OSBPL6: variants seen among roughly 807,000 people sequenced by gnomAD.
OSBPL6 encodes the protein oxysterol binding protein like 6, also known as oxysterol-binding protein-related protein 6.
A neutral mutation model predicts 125.8 loss-of-function variants in OSBPL6; 49 were observed. The ratio of observed to expected loss-of-function variants is 0.39; its 90% CI spans 0.31 to 0.49. OSBPL6 has a LOEUF of 0.49. OSBPL6 is among the 20% of genes least tolerant of loss of function. OSBPL6 has a pLI of 0.88. For missense variants in OSBPL6, 986 were observed against 1,135.4 expected (o/e 0.87, Z 1.89); for synonymous variants, 394 against 391.8 (o/e 1.01, Z -0.07).
At chr2:178,301,075 C>G (rs983609531) in intron 2 of OSBPL6, among the ~76,000 whole-genome samples, 1 of 151,680 alleles carries the variant, frequency 6.6e-6, no homozygotes, top group African/African-American at 2.4e-5. Flanking sequence ...ATTTTTTGAA[C>G]AATTCAACCT....
At chr2:178,266,395 A>G (rs957906680) in intron 1 of OSBPL6, among the ~76,000 whole-genome samples, 1 of 152,072 alleles carries the variant, frequency 6.6e-6, no homozygotes, top group Non-Finnish European at 1.5e-5. Flanking sequence ...GTGTCTCAGA[A>G]GAGGATGGAA....
At position 178,400,375 on chromosome 2, in the gene OSBPL6, C is replaced by T. The variant is rs1347691643; in HGVS notation, c.*4816C>T. ...AATCTCGGCTCACTGCAGCCTCCGCCTCCCAGGTTCAAGGGATTCTTGTGC... is the reference window on the plus strand; with the variant it reads ...AATCTCGGCTCACTGCAGCCTCCGCTTCCCAGGTTCAAGGGATTCTTGTGC... On this transcript the variant is annotated 3_prime_UTR_variant, in exon 25 of 25. Transcript: ENST00000190611. 1 of 151,942 alleles carries T rather than the reference C, an allele frequency of 6.6e-6. No individual in the cohort carries two copies. Among genetic ancestry groups the T allele is most frequent in the Non-Finnish European group, 1.5e-5 (1 of 68,020 alleles). The allele number at this position is 151,942 out of a possible 1,614,324, so 9.4% of individuals were successfully genotyped here.
intron 4 of OSBPL6, among the ~76,000 whole-genome samples, chr2:178,324,949 C>G (rs1016746599): frequency 6.6e-6 from 1 of 152,202 alleles, no homozygotes; most frequent in African/African-American, 2.4e-5. Flanking sequence ...TTCTAGGCTC[C>G]TTCTCACATC....
intron 19 of OSBPL6, 104 bp downstream of exon 19, chr2:178,385,625 C>T (rs1164583724): frequency 3.4e-6 from 3 of 875,596 alleles, no homozygotes; most frequent in South Asian, 1.6e-5. Context: ...ACCTTTGGAA[C>T]TCAGCAAATG....
intron 1 of OSBPL6, among the ~76,000 whole-genome samples, chr2:178,219,009 G>A (rs915206508): frequency 3.3e-5 from 5 of 151,818 alleles, no homozygotes; most frequent in African/African-American, 2.4e-5. Flanking sequence ...CTCCACTCCT[G>A]ACTCTTCTGT....
At position 178,394,334 on chromosome 2, in the gene OSBPL6, A is replaced by G; in HGVS notation, c.2595A>G (p.Leu865=). ...PDQRFLEEGN[L]EAAASEKQRV... is the part of the protein sequence containing the mutation. ...TTAGATTTTTGGAAGAAGGAAATTT[A>G]GAAGCTGCAGCATCAGAGAAGCAAA... is the stretch of plus-strand genomic sequence containing the variant. Residue 865 remains leucine, a synonymous_variant, in exon 24 of 25, where the codon TTA becomes TTG. Coordinates refer to ENST00000190611, the MANE Select transcript of OSBPL6 (RefSeq NM_032523.4). 1 of 1,613,142 alleles carries G rather than the reference A, an allele frequency of 6.2e-7. No homozygotes were observed. The highest frequency in any genetic ancestry group is 1.1e-5 in the South Asian group (1 of 90,808).
chr2:178,292,290 G>T (rs1387664902), intron 2 of OSBPL6, among the ~76,000 whole-genome samples: 2 of 152,066 alleles, frequency 1.3e-5, no homozygotes, highest in East Asian at 3.9e-4. Flanking sequence ...ATTTTAATAA[G>T]TCTAACTTTG....
At chr2:178,232,962 A>G (rs947712110) in intron 1 of OSBPL6, among the ~76,000 whole-genome samples, 12 of 152,358 alleles carry the variant, frequency 7.9e-5, no homozygotes, top group African/African-American at 2.6e-4. Flanking sequence ...AAACTTTCAG[A>G]TAATTTGTAA....
intron 1 of OSBPL6, among the ~76,000 whole-genome samples, chr2:178,214,946 T>C (rs2090027699): frequency 6.6e-6 from 1 of 151,512 alleles, no homozygotes; most frequent in African/African-American, 2.4e-5. Context: ...AACAAGACCA[T>C]GTCTCTAAAC....
chr2:178,207,417 C>T (rs1158291447), intron 1 of OSBPL6, among the ~76,000 whole-genome samples: 1 of 152,194 alleles, frequency 6.6e-6, no homozygotes, highest in Non-Finnish European at 1.5e-5. Flanking sequence ...CCAGGATAAG[C>T]ACCTCCTCTC....
At chr2:178,382,952 A>G in intron 16 of OSBPL6, 72 bp from the exon 17 acceptor site, 1 of 1,553,872 alleles carries the variant, frequency 6.4e-7, no homozygotes, top group South Asian at 1.2e-5. Flanking sequence ...TTTATTTGAA[A>G]GTTATTTCCC....
intron 1 of OSBPL6, among the ~76,000 whole-genome samples, chr2:178,276,161 T>C (rs1409326303): frequency 6.6e-6 from 1 of 152,150 alleles, no homozygotes; most frequent in Non-Finnish European, 1.5e-5. Flanking sequence ...ATCTGAGACT[T>C]TCATAAATTT....
chr2:178,370,626 A>G (rs1186399700), intron 13 of OSBPL6, among the ~76,000 whole-genome samples: 1 of 152,202 alleles, frequency 6.6e-6, no homozygotes, highest in Non-Finnish European at 1.5e-5. Context: ...TGGTTTATCT[A>G]CTAAGAATGT....
At chr2:178,230,766 A>T (rs2090782349) in intron 1 of OSBPL6, among the ~76,000 whole-genome samples, 1 of 152,194 alleles carries the variant, frequency 6.6e-6, no homozygotes, top group African/African-American at 2.4e-5. Context: ...AAATTGGATT[A>T]TGCTTTTGTG....
chr2:178,240,528 G>A lies in OSBPL6; in HGVS notation c.-350-44399G>A, dbSNP rs374695115. Among the ~76,000 whole-genome samples, 4 of 151,864 alleles carry A rather than the reference G, an allele frequency of 2.6e-5. No homozygotes were observed. In the East Asian group the frequency reaches 7.8e-4, roughly 29 times the overall value. ...GGTTGCAGTGAGCCGAGATCCTGCC[G>A]CTGCACTGCATTCTGGGCGTCTCAA... is the stretch of plus-strand genomic sequence containing the variant. On this transcript the variant is annotated intron_variant, in intron 1 of 24. Coordinates refer to ENST00000190611, the MANE Select transcript of OSBPL6 (RefSeq NM_032523.4).
In OSBPL6 at chr2:178,339,582, T is replaced by C. The variant is rs1690015494; in HGVS notation, c.895-90T>C. 5 of 1,033,620 alleles carry C rather than the reference T, an allele frequency of 4.8e-6. No individual in the cohort carries two copies. In the African/African-American group the frequency reaches 8.3e-5, roughly 17 times the overall value. The allele number at this position is 1,033,620 out of a possible 1,614,324, so 64.0% of individuals were successfully genotyped here. On this transcript the variant is annotated intron_variant, in intron 10 of 24. Coordinates refer to ENST00000190611, the MANE Select transcript of OSBPL6 (RefSeq NM_032523.4). ...TTGCTTATAGGCTCTAACAATGACC[T>C]TTAGTAACTTGCTGTGCTCTTGTCT...
chr2:178,214,432 G>A (rs970181109), intron 1 of OSBPL6, among the ~76,000 whole-genome samples: 2 of 152,168 alleles, frequency 1.3e-5, no homozygotes, highest in African/African-American at 2.4e-5. Flanking sequence ...TTGCTCATTT[G>A]TGGGGGCTGG....
At chr2:178,197,834 G>A (rs2088995516) in intron 1 of OSBPL6, among the ~76,000 whole-genome samples, 1 of 151,976 alleles carries the variant, frequency 6.6e-6, no homozygotes, top group Non-Finnish European at 1.5e-5. Flanking sequence ...AAGGTTCTAA[G>A]GAAAAAGAAA....
chr2:178,313,453 G>A (rs1168244391), intron 3 of OSBPL6, among the ~76,000 whole-genome samples: 7 of 152,056 alleles, frequency 4.6e-5, no homozygotes, highest in Admixed American at 2.0e-4. Context: ...TCTCCACCAG[G>A]TTAGACCTTG....
Sources: gnomAD v4.1 joint callset for allele counts (sites outside exome capture counted in the v4.1 genomes callset) on GRCh38, gnomAD v4.1.1 for gene constraint, MANE v1.5 for transcripts, NCBI Gene and HGNC (gene_info 2026-07-23, HGNC 2026-07-21) for gene names.